Variants in GOLPH3 observed in about 807,000 individuals in gnomAD.
GOLPH3 encodes the protein golgi phosphoprotein 3.
In GOLPH3, 14 loss-of-function variants were observed where a neutral mutation model predicts 28.5. The ratio of observed to expected loss-of-function variants is 0.49; its 90% CI spans 0.32 to 0.77. GOLPH3 has a LOEUF of 0.77. Among genes scored for constraint, GOLPH3 ranks in the 30% least tolerant of loss-of-function variants. The probability of loss-of-function intolerance (pLI) is 0.03; values close to 1 mark genes in which losing one functional copy is unlikely to be tolerated. For synonymous variants in GOLPH3, 158 were observed against 159.2 expected (o/e 0.99, Z 0.06); for missense variants, 350 against 393.7 (o/e 0.89, Z 0.94).
At chr5:32,158,164 C>T (rs1047844795) in intron 1 of GOLPH3, among the ~76,000 whole-genome samples, 1 of 151,186 alleles carries the variant, frequency 6.6e-6, no homozygotes, top group African/African-American at 2.4e-5. Context: ...CACACACACA[C>T]ACACACACAC....
Position 32,143,793 on chromosome 5 carries a change from G to T in GOLPH3, c.313C>A (p.Leu105Ile). 6.2e-7 allele frequency: 1 copy of T among 1,606,362 alleles called. No individual in the cohort carries two copies. The highest frequency in any genetic ancestry group is 8.5e-7 in the Non-Finnish European group (1 of 1,177,710). Residue 105 changes from leucine (L) to isoleucine (I), a missense_variant, in exon 2 of 4, where the codon CTA becomes ATA. Coordinates refer to ENST00000265070, the MANE Select transcript of GOLPH3 (RefSeq NM_022130.4). ...IELALRGRLQ[L>I]EACGMRRKSL... is the part of the protein sequence containing the mutation. ...TTACGTCTCATTCCACAAGCCTCTA[G>T]TTGTAACCTTCCTCTCAATGCTAAT...
At chr5:32,146,050 G>A (rs563932220) in intron 1 of GOLPH3, among the ~76,000 whole-genome samples, 84 of 152,182 alleles carry the variant, frequency 5.5e-4, no homozygotes, top group Non-Finnish European at 7.6e-4. Flanking sequence ...CCAGCACTTC[G>A]GGAGGCAGAG....
In GOLPH3 at chr5:32,149,368, G is replaced by A. The variant is rs528347925; in HGVS notation, c.226-5488C>T. On this transcript the variant is annotated intron_variant, in intron 1 of 3. Coordinates refer to ENST00000265070, the MANE Select transcript of GOLPH3 (RefSeq NM_022130.4). ...CCCAGGGCTGGCAAAATGGGAAAAGGGAGAGGTAATGGCTAAAGGGGATGA... is the reference window on the plus strand; with the variant it reads ...CCCAGGGCTGGCAAAATGGGAAAAGAGAGAGGTAATGGCTAAAGGGGATGA... Among the ~76,000 whole-genome samples the A allele has an allele frequency of 1.7e-3, 257 of 152,298 alleles. 1 individual carries two copies. Among genetic ancestry groups the A allele is most frequent in the African/African-American group, 6.1e-3 (252 of 41,556 alleles).
chr5:32,128,211 A>T (rs1745726145), intron 3 of GOLPH3, among the ~76,000 whole-genome samples: 1 of 152,250 alleles, frequency 6.6e-6, no homozygotes, highest in Non-Finnish European at 1.5e-5. Flanking sequence ...CTAAGAGTTC[A>T]GTAGAGCTGG....
chr5:32,135,541 G>A (rs371534584), intron 3 of GOLPH3, 31 bp downstream of exon 3: 31 of 1,278,186 alleles, frequency 2.4e-5, no homozygotes, highest in African/African-American at 4.4e-5. Flanking sequence ...TTAAACAGAA[G>A]TTGGTTTTTG....
At chr5:32,156,979 G>C (rs539645821) in intron 1 of GOLPH3, among the ~76,000 whole-genome samples, 35 of 152,302 alleles carry the variant, frequency 2.3e-4, no homozygotes, top group African/African-American at 8.4e-4. Context: ...GATTGGATTT[G>C]GGTGCCATCC....
intron 1 of GOLPH3, among the ~76,000 whole-genome samples, chr5:32,162,720 CAA>C (rs1746613747): frequency 6.6e-6 from 1 of 152,212 alleles, no homozygotes; most frequent in South Asian, 2.1e-4. Flanking sequence ...ATGTGGTTTT[CAA>C]AGCACTCACA....
intron 1 of GOLPH3, among the ~76,000 whole-genome samples, chr5:32,146,334 G>A (rs1307019425): frequency 6.6e-6 from 1 of 151,804 alleles, no homozygotes; most frequent in African/African-American, 2.4e-5. Context: ...GTTAGTAACT[G>A]GCAGCATCAA....
intron 1 of GOLPH3, among the ~76,000 whole-genome samples, chr5:32,160,041 C>T (rs1746539692): frequency 6.6e-6 from 1 of 152,122 alleles, no homozygotes; most frequent in African/African-American, 2.4e-5. Flanking sequence ...ACTTGGGAGG[C>T]TGAGGCATAA....
At chr5:32,127,354 A>G (rs184916944) in intron 3 of GOLPH3, among the ~76,000 whole-genome samples, 2 of 152,332 alleles carry the variant, frequency 1.3e-5, no homozygotes, top group Admixed American at 1.3e-4. Flanking sequence ...ATGATCTCCA[A>G]TGAACATGCA....
At chr5:32,169,662 GA>G (rs1746789419) in intron 1 of GOLPH3, among the ~76,000 whole-genome samples, 1 of 152,102 alleles carries the variant, frequency 6.6e-6, no homozygotes, top group Non-Finnish European at 1.5e-5. Context: ...ATATTCTATG[GA>G]AAGCATCTAT....
At chr5:32,131,606 C>A (rs1745826447) in intron 3 of GOLPH3, among the ~76,000 whole-genome samples, 1 of 152,152 alleles carries the variant, frequency 6.6e-6, no homozygotes, top group South Asian at 2.1e-4. Flanking sequence ...AAATTATTCA[C>A]CATATATGTG....
At chr5:32,158,024 ACACACAC>A (rs1746477322) in intron 1 of GOLPH3, among the ~76,000 whole-genome samples, 3 of 9,234 alleles carry the variant, frequency 3.2e-4, no homozygotes, top group South Asian at 7.9e-3. Context: ...TAAATAAAAT[ACACACAC>A]ACACACACAC....
intron 2 of GOLPH3, among the ~76,000 whole-genome samples, chr5:32,140,069 C>T (rs1441603757): frequency 2.0e-5 from 3 of 151,958 alleles, no homozygotes. Flanking sequence ...CCAAAATATA[C>T]ACATTTCTAG....
chr5:32,169,158 T>A (rs1031617477), intron 1 of GOLPH3, among the ~76,000 whole-genome samples: 2 of 151,184 alleles, frequency 1.3e-5, no homozygotes, highest in African/African-American at 4.9e-5. Flanking sequence ...GGTGTGTGCC[T>A]GTGGTCCTAG....
chr5:32,166,553 T>C (rs1456653814), intron 1 of GOLPH3, among the ~76,000 whole-genome samples: 2 of 152,136 alleles, frequency 1.3e-5, no homozygotes, highest in African/African-American at 2.4e-5. Context: ...CAGTGGCTCA[T>C]GCCCAGACCT....
intron 1 of GOLPH3, among the ~76,000 whole-genome samples, chr5:32,163,799 C>A (rs1164014457): frequency 6.6e-6 from 1 of 152,072 alleles, no homozygotes; most frequent in African/African-American, 2.4e-5. Flanking sequence ...TTTAGCTACA[C>A]AACATGGTAT....
At chr5:32,147,243 T>C (rs1470583516) in intron 1 of GOLPH3, among the ~76,000 whole-genome samples, 1 of 152,114 alleles carries the variant, frequency 6.6e-6, no homozygotes, top group East Asian at 1.9e-4. Context: ...AAAAAGGGAA[T>C]AAACTCAGCA....
intron 3 of GOLPH3, among the ~76,000 whole-genome samples, chr5:32,132,552 T>C (rs60298401): frequency 0.023 from 3,432 of 152,304 alleles, 122 homozygotes; most frequent in African/African-American, 0.077. Flanking sequence ...AATTATTAGA[T>C]GTATAAAACT....
Sources: allele counts gnomAD v4.1 joint callset (sites outside exome capture counted in the v4.1 genomes callset), GRCh38; gene constraint gnomAD v4.1.1; transcripts MANE v1.5; gene names NCBI Gene and HGNC (gene_info 2026-07-23, HGNC 2026-07-21).